Variants in GPC6 observed in about 807,000 individuals in gnomAD.
The protein encoded by GPC6 is glypican 6.
Under a neutral mutation model 55.2 loss-of-function variants are expected in GPC6, and 14 were observed. The observed-to-expected ratio is 0.25, with a 90% CI of 0.17 to 0.40. The LOEUF is 0.40. GPC6 is among the 10% of genes least tolerant of loss of function. The pLI is 1.00. For missense variants in GPC6, 641 were observed against 708.5 expected (o/e 0.90, Z 1.08); for synonymous variants, 278 against 259.6 (o/e 1.07, Z -0.68).
intron 3 of GPC6, among the ~76,000 whole-genome samples, chr13:93,977,497 TG>T (rs2140400899): frequency 6.7e-6 from 1 of 148,856 alleles, no homozygotes; most frequent in Admixed American, 6.8e-5. Context: ...TGTGTGTGTG[TG>T]TGTGTGTGTG....
At chr13:94,124,300 G>T (rs1414904935) in intron 4 of GPC6, among the ~76,000 whole-genome samples, 3 of 151,954 alleles carry the variant, frequency 2.0e-5, no homozygotes, top group African/African-American at 7.2e-5. Flanking sequence ...TGTGAATTGT[G>T]TGCATCTTGG....
intron 4 of GPC6, among the ~76,000 whole-genome samples, chr13:94,078,046 T>C (rs1047358964): frequency 2.0e-5 from 3 of 151,870 alleles, no homozygotes; most frequent in African/African-American, 4.8e-5. Flanking sequence ...TTTGAGAAGA[T>C]TGAAATCATG....
At chr13:94,269,249 T>C (rs1283731024) in intron 4 of GPC6, among the ~76,000 whole-genome samples, 1 of 152,134 alleles carries the variant, frequency 6.6e-6, no homozygotes, top group African/African-American at 2.4e-5. Context: ...TTTATTATTG[T>C]CTCCTCAAAA....
Position 94,369,262 on chromosome 13 carries a change from G to A in GPC6, c.1153-13152G>A, listed in dbSNP as rs149358262. Among the ~76,000 whole-genome samples the A allele has an allele frequency of 1.5e-3, 228 of 152,308 alleles. 1 individual carries two copies. The highest frequency in any genetic ancestry group is 5.2e-3 in the African/African-American group (218 of 41,578). ...TTGGGCCAGATGCACACAACAGGTA[G>A]CCAGTGAGGTGGATTTGCGTCCAGA... is the stretch of plus-strand genomic sequence containing the variant. On this transcript the variant is annotated intron_variant, in intron 6 of 8. Coordinates refer to ENST00000377047, the MANE Select transcript of GPC6 (RefSeq NM_005708.5).
rs1891607052 is a variant in GPC6, at chr13:94,259,869, CTA to C, written c.878-26478_878-26477del. ...ATTTTTATGGTTGAATAATAATACT[CTA>C]TTGTGTGTATACACACATGCACACA... On this transcript the variant is annotated intron_variant, in intron 4 of 8. Transcript: ENST00000377047. 5.3e-5 allele frequency among the ~76,000 whole-genome samples: 8 copies of C among 152,244 alleles called. No homozygotes were observed. In the South Asian group the frequency reaches 1.7e-3, roughly 32 times the overall value.
chr13:93,281,150 A>G (rs559268993), intron 1 of GPC6, among the ~76,000 whole-genome samples: 3 of 152,228 alleles, frequency 2.0e-5, no homozygotes, highest in African/African-American at 4.8e-5. Context: ...AGATTCTACT[A>G]TATCTGCCAC....
chr13:93,540,561 T>A (rs1179745023), intron 1 of GPC6, among the ~76,000 whole-genome samples: 1 of 152,186 alleles, frequency 6.6e-6, no homozygotes, highest in Admixed American at 6.5e-5. Flanking sequence ...TGGCATAAAA[T>A]AATTATACAA....
At chr13:93,849,419 T>G (rs1428977469) in intron 3 of GPC6, among the ~76,000 whole-genome samples, 1 of 152,110 alleles carries the variant, frequency 6.6e-6, no homozygotes, top group African/African-American at 2.4e-5. Flanking sequence ...CTTTTTAGGT[T>G]TTTTGGAATA....
Position 93,809,017 on chromosome 13 carries a change from G to T in GPC6, c.320-21137G>T, listed in dbSNP as rs181187270. On this transcript the variant is annotated intron_variant, in intron 2 of 8. Transcript: ENST00000377047. ...CTACACACATTTTGAAAGTATAGGA[G>T]AAAGAATAGGAGAGAGAATGAAGAC... Among the ~76,000 whole-genome samples the T allele has an allele frequency of 1.2e-3, 188 of 152,294 alleles. 3 individuals carry two copies. Among genetic ancestry groups the T allele is most frequent in the African/African-American group, 4.4e-3 (181 of 41,562 alleles).
chr13:94,334,140 AGAGGGT>A (rs1042523293), intron 6 of GPC6, among the ~76,000 whole-genome samples: 126 of 152,334 alleles, frequency 8.3e-4, no homozygotes, highest in African/African-American at 3.0e-3. Flanking sequence ...AGAAAGAGCC[AGAGGGT>A]GAATATGTTA....
chr13:93,479,722 A>G (rs534384591), intron 1 of GPC6, among the ~76,000 whole-genome samples: 1 of 152,256 alleles, frequency 6.6e-6, no homozygotes, highest in Non-Finnish European at 1.5e-5. Context: ...TTGTACTGTG[A>G]TCTACATTAC....
At chr13:94,286,262 A>C (rs911047707) in intron 4 of GPC6, 87 bp from the exon 5 acceptor site, 2 of 1,388,000 alleles carry the variant, frequency 1.4e-6, no homozygotes, top group African/African-American at 2.8e-5. Context: ...ATTATTTTTC[A>C]TCCAGTTGTT....
intron 1 of GPC6, among the ~76,000 whole-genome samples, chr13:93,364,425 G>A (rs890314810): frequency 2.0e-5 from 3 of 151,892 alleles, no homozygotes; most frequent in African/African-American, 4.8e-5. Flanking sequence ...CTACAGCAAC[G>A]TTAGTGTTTT....
chr13:93,707,383 A>G (rs1239441794), intron 2 of GPC6, among the ~76,000 whole-genome samples: 1 of 151,826 alleles, frequency 6.6e-6, no homozygotes, highest in African/African-American at 2.4e-5. Flanking sequence ...AAAATTTTAA[A>G]CATGTTTTTT....
chr13:93,542,180 C>T (rs1254710703), intron 1 of GPC6, among the ~76,000 whole-genome samples: 1 of 151,980 alleles, frequency 6.6e-6, no homozygotes, highest in Non-Finnish European at 1.5e-5. Context: ...GTCTTTAATC[C>T]ATCTTGAATT....
At chr13:94,385,566 G>A (rs1000857280) in intron 7 of GPC6, among the ~76,000 whole-genome samples, 22 of 152,104 alleles carry the variant, frequency 1.4e-4, no homozygotes, top group African/African-American at 4.3e-4. Flanking sequence ...AGATGAAGCT[G>A]TCAAATATTT....
intron 3 of GPC6, among the ~76,000 whole-genome samples, chr13:93,934,169 T>G (rs951001671): frequency 3.9e-5 from 6 of 152,152 alleles, no homozygotes; most frequent in Non-Finnish European, 5.9e-5. Flanking sequence ...ACATACAAGG[T>G]TATCCCATAG....
At chr13:93,823,996 A>G (rs1336375846) in intron 2 of GPC6, among the ~76,000 whole-genome samples, 1 of 152,220 alleles carries the variant, frequency 6.6e-6, no homozygotes, top group African/African-American at 2.4e-5. Context: ...TTGTCTTTTA[A>G]TAATCATAGA....
At chr13:93,485,976 C>T (rs1470114063) in intron 1 of GPC6, among the ~76,000 whole-genome samples, 4 of 152,050 alleles carry the variant, frequency 2.6e-5, no homozygotes, top group African/African-American at 9.7e-5. Context: ...AAATGACTAA[C>T]TATGGAAACC....
Sources: allele counts gnomAD v4.1 joint callset (sites outside exome capture counted in the v4.1 genomes callset), GRCh38; gene constraint gnomAD v4.1.1; transcripts MANE v1.5; gene names NCBI Gene and HGNC (gene_info 2026-07-23, HGNC 2026-07-21).